NXPH1: variants seen among roughly 807,000 people sequenced by gnomAD.
NXPH1 encodes the protein neurexophilin-1.
A neutral mutation model predicts 23.7 loss-of-function variants in NXPH1; 5 were observed. The observed-to-expected ratio is 0.21, with a 90% CI of 0.11 to 0.44. The LOEUF is 0.44. Among genes scored for constraint, NXPH1 ranks in the 20% least tolerant of loss-of-function variants. The pLI is 0.99. For synonymous variants in NXPH1, 144 were observed against 122.2 expected, an observed-to-expected ratio of 1.18 and a Z score of -1.18; for missense variants, 324 against 321.6, an observed-to-expected ratio of 1.01 and a Z score of -0.06.
intron 2 of NXPH1, among the ~76,000 whole-genome samples, chr7:8,666,229 T>C (rs991065831): frequency 2.0e-5 from 3 of 151,916 alleles, no homozygotes; most frequent in African/African-American, 7.2e-5. Context: ...CTATTACCAA[T>C]TTGTTGAGAG....
At chr7:8,483,110 C>T (rs113409601) in intron 2 of NXPH1, among the ~76,000 whole-genome samples, 1,530 of 152,224 alleles carry the variant, frequency 0.01, 14 homozygotes, top group Non-Finnish European at 0.017. Flanking sequence ...CCTAGACTTA[C>T]AGTAACAGTT....
chr7:8,444,037 G>A (rs1402158550), intron 2 of NXPH1, among the ~76,000 whole-genome samples: 1 of 152,184 alleles, frequency 6.6e-6, no homozygotes, highest in African/African-American at 2.4e-5. Flanking sequence ...CGGTCACACC[G>A]TTGATTTGAT....
At chr7:8,555,709 C>T (rs1010325653) in intron 2 of NXPH1, among the ~76,000 whole-genome samples, 1 of 151,690 alleles carries the variant, frequency 6.6e-6, no homozygotes, top group Non-Finnish European at 1.5e-5. Flanking sequence ...AGGCAGTTTC[C>T]TTCACAGATC....
At chr7:8,714,968 A>G (rs547724203) in intron 2 of NXPH1, among the ~76,000 whole-genome samples, 1 of 152,216 alleles carries the variant, frequency 6.6e-6, no homozygotes, top group Admixed American at 6.5e-5. Context: ...ATTAGGTCAC[A>G]TGCCCCTAAG....
intron 2 of NXPH1, among the ~76,000 whole-genome samples, chr7:8,575,016 G>A (rs560734332): frequency 1.2e-4 from 18 of 152,144 alleles, no homozygotes; most frequent in Non-Finnish European, 2.4e-4. Flanking sequence ...CGTCGGAGAC[G>A]TTCTGTTAAA....
At chr7:8,684,813 G>T (rs1163566915) in intron 2 of NXPH1, among the ~76,000 whole-genome samples, 1 of 151,946 alleles carries the variant, frequency 6.6e-6, no homozygotes, top group Non-Finnish European at 1.5e-5. Context: ...TATTAATTTT[G>T]TCCCATTGGT....
chr7:8,490,064 T>C (rs1018139034), intron 2 of NXPH1, among the ~76,000 whole-genome samples: 4 of 152,102 alleles, frequency 2.6e-5, no homozygotes, highest in African/African-American at 7.2e-5. Flanking sequence ...AGGAGTGTCC[T>C]TCAGTATCCT....
At chr7:8,586,589 A>T (rs1039009048) in intron 2 of NXPH1, among the ~76,000 whole-genome samples, 2 of 151,768 alleles carry the variant, frequency 1.3e-5, no homozygotes, top group African/African-American at 2.4e-5. Flanking sequence ...ATGACCAAAA[A>T]TTCTGGGGGA....
intron 2 of NXPH1, among the ~76,000 whole-genome samples, chr7:8,622,245 A>G (rs1387077680): frequency 1.3e-5 from 2 of 152,190 alleles, no homozygotes; most frequent in African/African-American, 4.8e-5. Flanking sequence ...AAGTATTTGC[A>G]TTATTATTTC....
chr7:8,667,757 AT>A (rs758815877), intron 2 of NXPH1, among the ~76,000 whole-genome samples: 9 of 151,940 alleles, frequency 5.9e-5, no homozygotes, highest in Non-Finnish European at 1.2e-4. Context: ...GTGATCACTT[AT>A]TTGCATAAGC....
intron 2 of NXPH1, among the ~76,000 whole-genome samples, chr7:8,528,359 G>C (rs958203470): frequency 6.6e-6 from 1 of 152,252 alleles, no homozygotes; most frequent in African/African-American, 2.4e-5. Context: ...CTACAGCCTG[G>C]ACATTGCAGG....
chr7:8,604,590 A>C (rs977700676), intron 2 of NXPH1, among the ~76,000 whole-genome samples: 1 of 152,120 alleles, frequency 6.6e-6, no homozygotes, highest in African/African-American at 2.4e-5. Context: ...TTTTCAGTCA[A>C]ACTTTGAGCT....
In NXPH1 at chr7:8,716,922, A is replaced by T. The variant is rs79392604; in HGVS notation, c.55-34086A>T. Among the ~76,000 whole-genome samples, 1,010 of 152,260 alleles carry T rather than the reference A, an allele frequency of 6.6e-3. 22 individuals carry two copies. In the East Asian group the frequency reaches 0.08, roughly 12 times the overall value. ...GATTATTTCTTCACCTCCCTAATGC[A>T]CAGTATCTAAAGGGTTGATTAGTAC... On this transcript the variant is annotated intron_variant, in intron 2 of 2. Coordinates refer to ENST00000405863, the MANE Select transcript of NXPH1 (RefSeq NM_152745.3).
intron 2 of NXPH1, among the ~76,000 whole-genome samples, chr7:8,620,959 A>G (rs1481034051): frequency 2.6e-5 from 4 of 152,118 alleles, no homozygotes; most frequent in Non-Finnish European, 5.9e-5. Context: ...AAACTTTCAC[A>G]CAATCTAAAG....
intron 2 of NXPH1, among the ~76,000 whole-genome samples, chr7:8,658,140 G>C (rs1820611179): frequency 6.6e-6 from 1 of 152,198 alleles, no homozygotes; most frequent in South Asian, 2.1e-4. Context: ...TTTCAGACCA[G>C]TATTTAGTGA....
At chr7:8,452,372 A>G (rs182903952) in intron 2 of NXPH1, among the ~76,000 whole-genome samples, 127 of 152,262 alleles carry the variant, frequency 8.3e-4, no homozygotes, top group African/African-American at 2.9e-3. Context: ...TGTACCATGG[A>G]CCTGTTGAAT....
chr7:8,493,827 T>C (rs888265497), intron 2 of NXPH1, among the ~76,000 whole-genome samples: 27 of 152,112 alleles, frequency 1.8e-4, no homozygotes, highest in African/African-American at 6.0e-4. Context: ...ACATGAAAAG[T>C]TAGCTCTTTC....
chr7:8,668,275 G>GTTTTTTTTTTTTTTTTT (rs1562448816), intron 2 of NXPH1, among the ~76,000 whole-genome samples: 1 of 47,838 alleles, frequency 2.1e-5, no homozygotes, highest in Non-Finnish European at 4.6e-5. Context: ...TTTTTATTTT[G>GTTTTTTTTTTTTTTTTT]TTGTTGTTGT....
chr7:8,672,529 GA>G lies in NXPH1; in HGVS notation c.55-78469del, dbSNP rs530227925. On this transcript the variant is annotated intron_variant, in intron 2 of 2. Transcript: ENST00000405863. ...CCATAATAAAATGAAACCCCTAGGG[GA>G]AAAAAAAAAGCAAACAGCTTGAAAG... Among the ~76,000 whole-genome samples, 654 of 146,984 alleles carry G rather than the reference GA, an allele frequency of 4.4e-3. 5 individuals are homozygous for G. Among genetic ancestry groups the G allele is most frequent in the African/African-American group, 9.6e-3 (388 of 40,292 alleles).
Sources: gnomAD v4.1 joint callset for allele counts (sites outside exome capture counted in the v4.1 genomes callset) on GRCh38, gnomAD v4.1.1 for gene constraint, MANE v1.5 for transcripts, NCBI Gene and HGNC (gene_info 2026-07-23, HGNC 2026-07-21) for gene names.